The following LINGO2 variants were observed in gnomAD, a reference collection of about 807,000 sequenced individuals.
LINGO2 encodes leucine rich repeat and Ig domain containing 2, also known as leucine-rich repeat and immunoglobulin-like domain-containing nogo receptor-interacting protein 2.
In LINGO2, 14 loss-of-function variants were observed where a neutral mutation model predicts 30.6. The ratio of observed to expected loss-of-function variants is 0.46; its 90% CI spans 0.30 to 0.72. The LOEUF (loss-of-function observed/expected upper bound fraction) is 0.72. Ranked by LOEUF, LINGO2 falls within the 30% of genes least tolerant of loss-of-function variation. The pLI, the probability that LINGO2 is intolerant of heterozygous loss-of-function variation, is 0.07. For missense variants in LINGO2, 729 were observed against 751.7 expected (o/e 0.97, Z 0.35); for synonymous variants, 317 against 288.5 (o/e 1.10, Z -1.00).
the LINGO2 span, among the ~76,000 whole-genome samples, chr9:28,880,458 C>T: frequency 6.6e-6 from 1 of 152,134 alleles, no homozygotes; most frequent in South Asian, 2.1e-4. Context: ...AAGCAATATA[C>T]TTGGTAAAAG....
At chr9:28,811,826 CCATT>C in the LINGO2 span, among the ~76,000 whole-genome samples, 16 of 151,992 alleles carry the variant, frequency 1.1e-4, no homozygotes, top group South Asian at 4.2e-4. Flanking sequence ...TATTCATTTG[CCATT>C]CATTCATTCA....
At chr9:28,330,687 C>T (rs558011740) in intron 3 of LINGO2, among the ~76,000 whole-genome samples, 6 of 152,250 alleles carry the variant, frequency 3.9e-5, no homozygotes, top group East Asian at 3.9e-4. Flanking sequence ...GACTGTGACA[C>T]CTGGACATGG....
chr9:28,992,973 A>T, the LINGO2 span, among the ~76,000 whole-genome samples: 5 of 151,492 alleles, frequency 3.3e-5, no homozygotes, highest in South Asian at 6.2e-4. Flanking sequence ...GCAAGAGCAA[A>T]CACATTCAAA....
chr9:28,884,782 A>T, the LINGO2 span, among the ~76,000 whole-genome samples: 1 of 129,258 alleles, frequency 7.7e-6, no homozygotes, highest in African/African-American at 2.9e-5. Flanking sequence ...ATATATATAT[A>T]GTGTGTGTGT....
chr9:28,775,339 C>T, the LINGO2 span, among the ~76,000 whole-genome samples: 1 of 152,146 alleles, frequency 6.6e-6, no homozygotes, highest in Admixed American at 6.5e-5. Context: ...GGGATTCTTT[C>T]CATTTGTGAA....
chr9:28,066,205 T>C (rs1825308373), intron 4 of LINGO2, among the ~76,000 whole-genome samples: 1 of 152,034 alleles, frequency 6.6e-6, no homozygotes, highest in Non-Finnish European at 1.5e-5. Flanking sequence ...ACAGCCTAAA[T>C]TTTCTCCATG....
At chr9:28,685,954 T>G in the LINGO2 span, among the ~76,000 whole-genome samples, 1 of 150,910 alleles carries the variant, frequency 6.6e-6, no homozygotes, top group Non-Finnish European at 1.5e-5. Flanking sequence ...GGTGCATGAT[T>G]TCTTTTATAT....
chr9:28,070,293 G>A (rs1825436523), intron 4 of LINGO2, among the ~76,000 whole-genome samples: 1 of 152,088 alleles, frequency 6.6e-6, no homozygotes, highest in Non-Finnish European at 1.5e-5. Context: ...GTTGGTTGGA[G>A]TTATACCTCT....
At chr9:28,079,140 T>C (rs929130523) in intron 4 of LINGO2, among the ~76,000 whole-genome samples, 1 of 135,458 alleles carries the variant, frequency 7.4e-6, no homozygotes, top group African/African-American at 3.8e-5. Flanking sequence ...ATACTACTAT[T>C]AGGCTTTAAA....
chr9:28,793,797 A>C, the LINGO2 span, among the ~76,000 whole-genome samples: 1 of 152,120 alleles, frequency 6.6e-6, no homozygotes, highest in Admixed American at 6.5e-5. Flanking sequence ...AAAAAGCAGA[A>C]TCTCCACCTC....
the LINGO2 span, among the ~76,000 whole-genome samples, chr9:29,112,993 T>C: frequency 6.6e-6 from 1 of 152,180 alleles, no homozygotes; most frequent in African/African-American, 2.4e-5. Context: ...AGTAAAGGAT[T>C]AGAATTTGAA....
intron 1 of LINGO2, among the ~76,000 whole-genome samples, chr9:28,620,208 C>T (rs1290204345): frequency 6.6e-6 from 1 of 152,070 alleles, no homozygotes; most frequent in African/African-American, 2.4e-5. Flanking sequence ...GTGATTCAAG[C>T]TGCAAGATAG....
the LINGO2 span, among the ~76,000 whole-genome samples, chr9:29,208,540 A>G: frequency 6.6e-6 from 1 of 152,116 alleles, no homozygotes; most frequent in Non-Finnish European, 1.5e-5. Flanking sequence ...TATTCCTCTC[A>G]TCAAAGGCAT....
At chr9:28,736,552 A>G in the LINGO2 span, among the ~76,000 whole-genome samples, 1 of 152,098 alleles carries the variant, frequency 6.6e-6, no homozygotes, top group African/African-American at 2.4e-5. Flanking sequence ...GTACTTTGGG[A>G]GGTCGAGGCA....
the LINGO2 span, among the ~76,000 whole-genome samples, chr9:28,686,106 G>A: frequency 2.0e-5 from 3 of 151,830 alleles, no homozygotes; most frequent in Non-Finnish European, 2.9e-5. Flanking sequence ...CAGATATGGG[G>A]CAGAAATTGG....
the LINGO2 span, among the ~76,000 whole-genome samples, chr9:28,961,896 C>G: frequency 2.0e-5 from 3 of 152,164 alleles, no homozygotes; most frequent in Non-Finnish European, 4.4e-5. Context: ...AAAGAGTCCT[C>G]TGTGGAAAAC....
the LINGO2 span, among the ~76,000 whole-genome samples, chr9:29,129,828 G>A: frequency 7.9e-5 from 12 of 152,094 alleles, no homozygotes; most frequent in African/African-American, 2.9e-4. Flanking sequence ...GGTTTTGTAT[G>A]AGAAAGGATA....
chr9:28,240,777 A>T (rs1475064979), intron 4 of LINGO2, among the ~76,000 whole-genome samples: 1 of 152,192 alleles, frequency 6.6e-6, no homozygotes, highest in Non-Finnish European at 1.5e-5. Flanking sequence ...GCAACGAAAG[A>T]AAACATGGAC....
intron 4 of LINGO2, among the ~76,000 whole-genome samples, chr9:28,291,659 G>A (rs1823735461): frequency 6.6e-6 from 1 of 152,166 alleles, no homozygotes. Flanking sequence ...CATTCGAGCT[G>A]AAGCAAATAG....
Sources: allele counts gnomAD v4.1 joint callset (sites outside exome capture counted in the v4.1 genomes callset), GRCh38; gene constraint gnomAD v4.1.1; transcripts MANE v1.5; gene names NCBI Gene and HGNC (gene_info 2026-07-23, HGNC 2026-07-21).